TRPC4AP: variants seen among roughly 807,000 people sequenced by gnomAD.
TRPC4AP encodes the protein short transient receptor potential channel 4-associated protein.
Under a neutral mutation model 99.0 loss-of-function variants are expected in TRPC4AP, and 45 were observed. The ratio of observed to expected loss-of-function variants is 0.45; its 90% CI spans 0.36 to 0.58. The LOEUF (loss-of-function observed/expected upper bound fraction) is 0.58, where lower values mean the gene tolerates loss of function less well. TRPC4AP is among the 20% of genes least tolerant of loss of function. The pLI is 0.00. For missense variants in TRPC4AP, 879 were observed against 985.3 expected (o/e 0.89, Z 1.44); for synonymous variants, 408 against 385.8 (o/e 1.06, Z -0.67).
intron 4 of TRPC4AP, among the ~76,000 whole-genome samples, chr20:35,056,144 T>G (rs764777204): frequency 1.3e-5 from 2 of 152,224 alleles, no homozygotes; most frequent in South Asian, 2.1e-4. Flanking sequence ...GCATCCCTTA[T>G]CACCACCTTT....
chr20:35,026,130 G>C (rs1205078692), intron 8 of TRPC4AP, among the ~76,000 whole-genome samples: 1 of 151,950 alleles, frequency 6.6e-6, no homozygotes, highest in Non-Finnish European at 1.5e-5. Flanking sequence ...ATATTCCATT[G>C]ATCAATATGT....
intron 8 of TRPC4AP, among the ~76,000 whole-genome samples, chr20:35,029,193 G>A (rs2083105827): frequency 6.6e-6 from 1 of 152,208 alleles, no homozygotes; most frequent in Non-Finnish European, 1.5e-5. Flanking sequence ...GGAGGTTGCA[G>A]TGAGCTGATC....
chr20:35,004,135 A>T (rs1232814139), intron 17 of TRPC4AP, among the ~76,000 whole-genome samples: 5 of 152,138 alleles, frequency 3.3e-5, no homozygotes, highest in African/African-American at 7.2e-5. Flanking sequence ...AGGCTGCATG[A>T]CTATTCAGTG....
At position 35,028,265 on chromosome 20, in the gene TRPC4AP, G is replaced by A. The variant is rs765258102; in HGVS notation, c.1051+6858C>T. Among the ~76,000 whole-genome samples the A allele has an allele frequency of 3.4e-5, 5 of 145,118 alleles. No individual in the cohort carries two copies. The South Asian group carries it at 6.6e-4, about 19-fold the overall frequency. Reference sequence around the variant, plus strand: ...GTCACCCAGGCTGTAGTGTGATCTCGGCTCACTGCAACCTCTGCCTCGGGG... The same window carrying A: ...GTCACCCAGGCTGTAGTGTGATCTCAGCTCACTGCAACCTCTGCCTCGGGG... On this transcript the variant is annotated intron_variant, in intron 8 of 18. Coordinates refer to ENST00000252015, the MANE Select transcript of TRPC4AP (RefSeq NM_015638.3).
At chr20:35,047,391 C>T (rs2083584692) in intron 6 of TRPC4AP, among the ~76,000 whole-genome samples, 2 of 152,196 alleles carry the variant, frequency 1.3e-5, no homozygotes, top group Non-Finnish European at 2.9e-5. Flanking sequence ...CTGCAACTGG[C>T]TTCTACCACT....
intron 8 of TRPC4AP, among the ~76,000 whole-genome samples, chr20:35,027,447 T>C (rs1262976239): frequency 6.6e-6 from 1 of 152,236 alleles, no homozygotes; most frequent in African/African-American, 2.4e-5. Flanking sequence ...TAGTATTTTG[T>C]TGAAGATTTT....
chr20:35,026,222 GTT>G (rs35794517), intron 8 of TRPC4AP, among the ~76,000 whole-genome samples: 1 of 146,936 alleles, frequency 6.8e-6, no homozygotes. Context: ...GTCTTAGGTT[GTT>G]TTTTTTTTTT....
chr20:35,008,821 G>T, intron 12 of TRPC4AP, 74 bp from the exon 13 acceptor site: 1 of 1,378,036 alleles, frequency 7.3e-7, no homozygotes, highest in Non-Finnish European at 1.0e-6. Flanking sequence ...CATTCTGCTG[G>T]CTTAGGCGGT....
chr20:35,004,781 C>T (rs960624509), intron 16 of TRPC4AP, among the ~76,000 whole-genome samples: 1 of 152,156 alleles, frequency 6.6e-6, no homozygotes, highest in Non-Finnish European at 1.5e-5. Context: ...CCAGGAGCAC[C>T]CCACCTCATC....
chr20:35,005,849 G>A, intron 15 of TRPC4AP, 46 bp from the exon 16 acceptor site: 3 of 1,559,650 alleles, frequency 1.9e-6, no homozygotes, highest in South Asian at 2.2e-5. Flanking sequence ...TGCTGGCCAG[G>A]TATGGCCATG....
At chr20:35,045,637 C>T (rs1472068067) in intron 6 of TRPC4AP, among the ~76,000 whole-genome samples, 2 of 152,042 alleles carry the variant, frequency 1.3e-5, no homozygotes, top group African/African-American at 4.8e-5. Context: ...CTCCTGGGTT[C>T]AAGTGATTCT....
chr20:35,029,552 TC>T (rs1210245971), intron 8 of TRPC4AP, among the ~76,000 whole-genome samples: 2 of 151,892 alleles, frequency 1.3e-5, no homozygotes, highest in African/African-American at 4.8e-5. Flanking sequence ...CTTTAGTGTT[TC>T]TTTTGATTAA....
chr20:35,043,693 A>G (rs893138464), intron 7 of TRPC4AP, among the ~76,000 whole-genome samples: 1 of 152,260 alleles, frequency 6.6e-6, no homozygotes, highest in Non-Finnish European at 1.5e-5. Flanking sequence ...TTTATAAATT[A>G]GGTACACTAA....
chr20:35,087,900 C>T (rs1600677342), intron 1 of TRPC4AP, among the ~76,000 whole-genome samples: 2 of 152,122 alleles, frequency 1.3e-5, no homozygotes, highest in East Asian at 3.8e-4. Flanking sequence ...TCCCTTATGC[C>T]CCATTTAGGG....
At chr20:35,029,871 C>T (rs1429556238) in intron 8 of TRPC4AP, among the ~76,000 whole-genome samples, 3 of 147,168 alleles carry the variant, frequency 2.0e-5, no homozygotes, top group African/African-American at 4.9e-5. Context: ...CTCCTGACCT[C>T]GTGATCCGCC....
At chr20:35,074,841 C>T (rs1304265451) in intron 2 of TRPC4AP, among the ~76,000 whole-genome samples, 1 of 152,150 alleles carries the variant, frequency 6.6e-6, no homozygotes, top group Non-Finnish European at 1.5e-5. Context: ...CTTTCTGTCT[C>T]GTTGATCTGT....
chr20:35,037,279 A>G (rs6088688), intron 7 of TRPC4AP, among the ~76,000 whole-genome samples: 27,717 of 148,662 alleles, frequency 0.19, 2,624 homozygotes, highest in Middle Eastern at 0.34. Flanking sequence ...CCCAGGAGGC[A>G]GAGCTTGCAG....
chr20:35,038,743 T>TA (rs1474850309), intron 7 of TRPC4AP, among the ~76,000 whole-genome samples: 10 of 148,624 alleles, frequency 6.7e-5, no homozygotes, highest in Non-Finnish European at 1.2e-4. Flanking sequence ...TTGTATCATT[T>TA]AAAAAAAATT....
chr20:35,055,330 T>C (rs1046715523), intron 4 of TRPC4AP, among the ~76,000 whole-genome samples: 10 of 152,236 alleles, frequency 6.6e-5, no homozygotes, highest in Non-Finnish European at 1.3e-4. Context: ...TTTCCCTTAA[T>C]GTCTTGCTTA....
Sources: allele counts gnomAD v4.1 joint callset (sites outside exome capture counted in the v4.1 genomes callset), GRCh38; gene constraint gnomAD v4.1.1; transcripts MANE v1.5; gene names NCBI Gene and HGNC (gene_info 2026-07-23, HGNC 2026-07-21).